TBX6: variants seen among roughly 807,000 people sequenced by gnomAD.
TBX6 encodes the protein T-box transcription factor TBX6.
Under a neutral mutation model 42.3 loss-of-function variants are expected in TBX6, and 29 were observed. The observed-to-expected ratio is 0.69, with a 90% CI of 0.51 to 0.93. The LOEUF (loss-of-function observed/expected upper bound fraction) is 0.93. Ranked by LOEUF, TBX6 falls within the 40% of genes least tolerant of loss-of-function variation. The pLI, the probability that TBX6 is intolerant of heterozygous loss-of-function variation, is 0.00. For missense variants in TBX6, 569 were observed against 603.3 expected, an observed-to-expected ratio of 0.94 and a Z score of 0.59; for synonymous variants, 249 against 245.1, an observed-to-expected ratio of 1.02 and a Z score of -0.15.
At chr16:30,087,265 C>G (rs2072651274) in intron 6 of TBX6, among the ~76,000 whole-genome samples, 1 of 151,940 alleles carries the variant, frequency 6.6e-6, no homozygotes, top group African/African-American at 2.4e-5. Context: ...GCTATGTTGC[C>G]CAGGCTGGAG....
Position 30,086,494 on chromosome 16 carries a change from G to T in TBX6, c.1097+18C>A, listed in dbSNP as rs947755293. The T allele has an allele frequency of 4.0e-6, 6 of 1,488,302 alleles. No homozygotes were observed. The highest frequency in any genetic ancestry group is 5.3e-6 in the Non-Finnish European group (6 of 1,122,678). The allele number at this position is 1,488,302 out of a possible 1,614,324, so 92.2% of individuals were successfully genotyped here. On this transcript the variant is annotated intron_variant, in intron 8 of 8. Transcript: ENST00000395224. This position sits in a 1 kb window ranked among gnomAD's most constrained non-coding sequence, Gnocchi z 4.6. ...GCAGAGGGACCCGCAGCCCCGCCTG[G>T]TCCCCTGTCCCACTCACCTGGTGGG...
rs934192703 is a variant in TBX6, at chr16:30,091,064, C to T, written c.118+12G>A. On this transcript the variant is annotated intron_variant, in intron 2 of 8. Coordinates refer to ENST00000395224, the MANE Select transcript of TBX6 (RefSeq NM_004608.4). ...CCTATTCTCCTACCCAGGAGCTGGT[C>T]CCAACGCTCACCGGGGTAGCGGTAG... 1.3e-6 allele frequency: 2 copies of T among 1,586,614 alleles called. No individual in the cohort carries two copies. The highest frequency in any genetic ancestry group is 1.7e-6 in the Non-Finnish European group (2 of 1,166,648).
Position 30,089,051 on chromosome 16 carries a change from A to G in TBX6, c.513T>C (p.Arg171=). Residue 171 remains arginine, a synonymous_variant, in exon 4 of 9, where the codon CGT becomes CGC. Transcript: ENST00000395224. ...CAGGAGAGTCGGGGTGAATGTAGAC[A>G]CGGTCAGGCAGGCGGGGCTCTGCCT... ...SGKAEPRLPD[R]VYIHPDSPAT... 3.1e-6 allele frequency: 5 copies of G among 1,613,886 alleles called. No homozygotes were observed. Among genetic ancestry groups the G allele is most frequent in the Middle Eastern group, 1.6e-4 (1 of 6,062 alleles).
At chr16:30,087,599 C>T (rs145685155) in intron 6 of TBX6, among the ~76,000 whole-genome samples, 101 of 152,338 alleles carry the variant, frequency 6.6e-4, no homozygotes, top group Non-Finnish European at 1.1e-3. Flanking sequence ...ACAGTTCCCA[C>T]GGCCTTACGG....
chr16:30,087,726 A>G (rs1177877621), intron 6 of TBX6, among the ~76,000 whole-genome samples: 1 of 150,912 alleles, frequency 6.6e-6, no homozygotes, highest in East Asian at 1.9e-4. Flanking sequence ...TGCTGTTCCC[A>G]CTCCCTAGTG....
chr16:30,086,057 C>T lies in TBX6; in HGVS notation c.*168G>A, dbSNP rs2072620603. The T allele has an allele frequency of 1.5e-6, 1 of 648,350 alleles. No homozygotes were observed. Among genetic ancestry groups the T allele is most frequent in the Non-Finnish European group, 2.6e-6 (1 of 391,162 alleles). 40.2% of individuals were successfully genotyped at this position (648,350 alleles called of 1,614,324 possible). A position where few individuals can be genotyped will look rare whatever the true frequency, so the allele number is the denominator to read the frequency against. ...CAGCAGCCTTGGTTAGGCTTTGAAG[C>T]CAGAGGGGGGTGGGAGTGAAATCAA... On this transcript the variant is annotated 3_prime_UTR_variant, in exon 9 of 9. Transcript: ENST00000395224. The surrounding 1 kb of genome is among the most constrained non-coding windows in gnomAD (Gnocchi z 4.6).
chr16:30,090,630 T>C (rs1004827037), intron 3 of TBX6, 128 bp downstream of exon 3: 2 of 927,128 alleles, frequency 2.2e-6, no homozygotes, highest in South Asian at 3.5e-5. Flanking sequence ...CCCCAGGCCA[T>C]AGTCAGATTC....
At position 30,088,877 on chromosome 16, in the gene TBX6, G is replaced by A. The variant is rs749056287; in HGVS notation, c.622-38C>T. Reference sequence around the variant, plus strand: ...AAATGGGAGTGATTCCCTGCCCTGCGCCTCACCCTTGGCCTCCCTTCCAGC... The same window carrying A: ...AAATGGGAGTGATTCCCTGCCCTGCACCTCACCCTTGGCCTCCCTTCCAGC... On this transcript the variant is annotated intron_variant, in intron 4 of 8. Transcript: ENST00000395224. This position sits in a 1 kb window ranked among gnomAD's most constrained non-coding sequence, Gnocchi z 4.1. 1.2e-5 allele frequency: 20 copies of A among 1,608,052 alleles called. No individual in the cohort carries two copies. The highest frequency in any genetic ancestry group is 3.3e-5 in the South Asian group (3 of 90,780).
In TBX6 at chr16:30,085,882, T is replaced by G. The variant is rs992761289; in HGVS notation, c.*343A>C. 2.2e-4 allele frequency: 75 copies of G among 338,778 alleles called. 1 individual carries two copies. The highest frequency in any genetic ancestry group is 3.0e-4 in the Non-Finnish European group (56 of 184,098). 21.0% of individuals were successfully genotyped at this position (338,778 alleles called of 1,614,324 possible). A position where few individuals can be genotyped will look rare whatever the true frequency, so the allele number is the denominator to read the frequency against. On this transcript the variant is annotated 3_prime_UTR_variant, in exon 9 of 9. Coordinates refer to ENST00000395224, the MANE Select transcript of TBX6 (RefSeq NM_004608.4). ...CTGGTGTGGCCTGCACCAGTGTGTG[T>G]GGGGGGGTGGGGATTGAGCCCCTCC...
chr16:30,090,704 C>T, intron 3 of TBX6, 54 bp downstream of exon 3: 1 of 1,560,370 alleles, frequency 6.4e-7, no homozygotes. Context: ...CCCAGGGACT[C>T]TGCCTTTCCC....
chr16:30,091,835 C>T (rs2151034368), intron 1 of TBX6, 38 bp downstream of exon 1: 1 of 152,644 alleles, frequency 6.6e-6, no homozygotes, highest in East Asian at 1.9e-4. Flanking sequence ...AAAAAACCTC[C>T]ATCCCGAGCC....
In TBX6 at chr16:30,089,194, A is replaced by T; in HGVS notation, c.370T>A (p.Cys124Ser). 1 of 1,613,778 alleles carries T rather than the reference A, an allele frequency of 6.2e-7. No homozygotes were observed. Among genetic ancestry groups the T allele is most frequent in the Non-Finnish European group, 8.5e-7 (1 of 1,179,856 alleles). ...TKAGRRMFPACRVSVTGLDPE... is the reference protein window; with the variant it reads ...TKAGRRMFPASRVSVTGLDPE... ...TCCAGGCCAGTGACTGACACTCGGC[A>T]GGCAGGGAACATGCGCCTGTGCAAG... The change falls in exon 4 of 9, where the codon TGC becomes AGC. Residue 124 changes from cysteine to serine, a missense_variant. By Grantham distance (112) the Cys-to-Ser change is moderately radical. Coordinates refer to ENST00000395224, the MANE Select transcript of TBX6 (RefSeq NM_004608.4).
rs1273388314 is a variant in TBX6, at chr16:30,088,753, C to T, written c.708G>A (p.Met236Ile). The change falls in exon 5 of 9, where the codon ATG (methionine) becomes ATA (isoleucine). Residue 236 changes from methionine (M) to isoleucine (I), a missense_variant. Physicochemically the swap from Met to Ile is conservative, Grantham distance 10. This residue lies in a region of TBX6 where 190 missense variants were observed against 250.6 expected (regional missense o/e 0.76). Coordinates refer to ENST00000395224, the MANE Select transcript of TBX6 (RefSeq NM_004608.4). The surrounding 1 kb of genome is among the most constrained non-coding windows in gnomAD (Gnocchi z 4.1). The stretch of plus-strand genomic sequence containing the variant: ...TGGTCTCGGGGAAGCGGAAGGAGGC[C>T]ATGCCCCCCCAGTGCTGGCTGCAGA... ...AQLCSQHWGG[M>I]ASFRFPETTF... 1 of 1,613,926 alleles carries T rather than the reference C, an allele frequency of 6.2e-7. No individual in the cohort carries two copies. Among genetic ancestry groups the T allele is most frequent in the East Asian group, 2.2e-5 (1 of 44,888 alleles).
In TBX6 at chr16:30,086,523, G is replaced by A. The variant is rs1189838495; in HGVS notation, c.1086C>T (p.His362=). Residue 362 remains histidine, a synonymous_variant, in exon 8 of 9, where the codon CAC becomes CAT. Transcript: ENST00000395224. The surrounding 1 kb of genome is among the most constrained non-coding windows in gnomAD (Gnocchi z 4.6). ...CCTGTCCCACTCACCTGGTGGGAAG[G>A]TGACTGGGGGCCCCATGGAAAGCCG... ...HPAAFHGAPS[H]LPTRSPSFPE... 2.0e-6 allele frequency: 3 copies of A among 1,509,506 alleles called. No homozygotes were observed. Among genetic ancestry groups the A allele is most frequent in the African/African-American group, 2.8e-5 (2 of 70,754 alleles). The allele number at this position is 1,509,506 out of a possible 1,614,324, so 93.5% of individuals were successfully genotyped here.
chr16:30,087,217 CTT>C (rs1016440232), intron 6 of TBX6, among the ~76,000 whole-genome samples: 3 of 152,178 alleles, frequency 2.0e-5, no homozygotes, highest in Middle Eastern at 3.4e-3. Context: ...TGAACCTGTC[CTT>C]TTTCTTTTCA....
In TBX6 at chr16:30,086,882, G is replaced by A; in HGVS notation, c.840-31C>T. 6.2e-7 allele frequency: 1 copy of A among 1,602,430 alleles called. No individual in the cohort carries two copies. Among genetic ancestry groups the A allele is most frequent in the Non-Finnish European group, 8.5e-7 (1 of 1,175,454 alleles). On this transcript the variant is annotated intron_variant, in intron 6 of 8. Transcript: ENST00000395224. This position sits in a 1 kb window ranked among gnomAD's most constrained non-coding sequence, Gnocchi z 4.6. ...GAACAGTGGTGGTGATGATGATGAT[G>A]ATGGTGATGGCCATGGTGATGGTAA...
Position 30,090,749 on chromosome 16 carries a change from G to T in TBX6, c.353+9C>A, listed in dbSNP as rs369603655. 2.5e-4 allele frequency: 395 copies of T among 1,609,574 alleles called. No homozygotes were observed. In the African/African-American group the frequency reaches 4.5e-3, roughly 18 times the overall value. ...CCACCAGAAACACGGACCCTGGCCA[G>T]CCCCTCACCTCCCAGCTTTGGTGAT... is the stretch of plus-strand genomic sequence containing the variant. On this transcript the variant is annotated intron_variant, in intron 3 of 8. Coordinates refer to ENST00000395224, the MANE Select transcript of TBX6 (RefSeq NM_004608.4).
At position 30,086,693 on chromosome 16, in the gene TBX6, T is replaced by C; in HGVS notation, c.916A>G (p.Thr306Ala). ...AATEAYGSGD[T>A]PGGPCDSTLG... ...GTGGAGTCGCAGGGACCACCTGGTG[T>C]GTCTGGGGAGAGGGAAGGGAGAGGT... Residue 306 changes from threonine to alanine, a missense_variant and splice_region_variant, in exon 8 of 9, where the codon ACA (threonine) becomes GCA (alanine). This residue lies in a region of TBX6 where 245 missense variants were observed against 227.4 expected (regional missense o/e 1.08). Transcript: ENST00000395224. This position sits in a 1 kb window ranked among gnomAD's most constrained non-coding sequence, Gnocchi z 4.6. 6.2e-7 allele frequency: 1 copy of C among 1,612,124 alleles called. No individual in the cohort carries two copies. Among genetic ancestry groups the C allele is most frequent in the Non-Finnish European group, 8.5e-7 (1 of 1,179,082 alleles).
intron 6 of TBX6, among the ~76,000 whole-genome samples, chr16:30,087,354 C>G (rs2072652456): frequency 6.6e-6 from 1 of 152,156 alleles, no homozygotes; most frequent in Admixed American, 6.5e-5. Flanking sequence ...TCTCAGCCTC[C>G]GAAAGTGCTG....
Sources: allele counts gnomAD v4.1 joint callset (sites outside exome capture counted in the v4.1 genomes callset), GRCh38; gene constraint gnomAD v4.1.1; regional missense constraint gnomAD v4.1.1; non-coding constraint Gnocchi (gnomAD v3.1); transcripts MANE v1.5; gene names NCBI Gene and HGNC (gene_info 2026-07-23, HGNC 2026-07-21).